The following UBLCP1 variants were observed in gnomAD, a reference collection of about 807,000 sequenced individuals.
The protein encoded by UBLCP1 is ubiquitin like domain containing CTD phosphatase 1, also known as ubiquitin-like domain-containing CTD phosphatase 1.
A neutral mutation model predicts 42.4 loss-of-function variants in UBLCP1; 28 were observed. That is an observed-to-expected ratio of 0.66 (90% CI 0.49 to 0.90). The LOEUF (loss-of-function observed/expected upper bound fraction) is 0.90, where lower values mean the gene tolerates loss of function less well. Ranked by LOEUF, UBLCP1 falls within the 40% of genes least tolerant of loss-of-function variation. The probability of loss-of-function intolerance (pLI) is 0.00; values close to 1 mark genes in which losing one functional copy is unlikely to be tolerated. For missense variants in UBLCP1, 279 were observed against 374.5 expected (o/e 0.75, Z 2.10); for synonymous variants, 122 against 120.8 (o/e 1.01, Z -0.07).
chr5:159,283,136 A>T, intron 9 of UBLCP1, 76 bp from the exon 10 acceptor site: 1 of 1,438,706 alleles, frequency 7.0e-7, no homozygotes, highest in Non-Finnish European at 9.4e-7. Flanking sequence ...ATTAACTCTA[A>T]TTGAAATGAT....
intron 9 of UBLCP1, among the ~76,000 whole-genome samples, chr5:159,279,873 C>G (rs1438046748): frequency 6.6e-6 from 1 of 151,766 alleles, no homozygotes; most frequent in Non-Finnish European, 1.5e-5. Context: ...GGAGGTGATC[C>G]CATGATGGTC....
chr5:159,264,239 A>G (rs1753346318), intron 1 of UBLCP1, among the ~76,000 whole-genome samples: 1 of 152,166 alleles, frequency 6.6e-6, no homozygotes, highest in South Asian at 2.1e-4. Context: ...GGTTGACCAT[A>G]TGGAAGTGTA....
At chr5:159,264,180 C>G (rs1292479276) in intron 1 of UBLCP1, among the ~76,000 whole-genome samples, 1 of 152,166 alleles carries the variant, frequency 6.6e-6, no homozygotes, top group Non-Finnish European at 1.5e-5. Context: ...GCAAAGTCAA[C>G]ACAGTATGTT....
intron 8 of UBLCP1, among the ~76,000 whole-genome samples, chr5:159,277,229 A>T (rs959990595): frequency 6.6e-6 from 1 of 152,106 alleles, no homozygotes; most frequent in African/African-American, 2.4e-5. Context: ...GCAAAAAAAA[A>T]TCAGGAAAGT....
At chr5:159,268,399 A>C (rs1472569130) in intron 1 of UBLCP1, among the ~76,000 whole-genome samples, 2 of 152,234 alleles carry the variant, frequency 1.3e-5, no homozygotes, top group Non-Finnish European at 2.9e-5. Context: ...ACAGATGAGG[A>C]AACCTAGACA....
intron 9 of UBLCP1, 89 bp from the exon 10 acceptor site, chr5:159,283,123 C>T (rs1357327956): frequency 1.5e-6 from 2 of 1,299,718 alleles, no homozygotes; most frequent in African/African-American, 1.5e-5. Context: ...ATATTTTAAC[C>T]TCATTAACTC....
intron 9 of UBLCP1, 79 bp from the exon 10 acceptor site, chr5:159,283,127 TTAACTC>T: frequency 7.3e-7 from 1 of 1,367,422 alleles, no homozygotes; most frequent in South Asian, 1.4e-5. Flanking sequence ...TTTAACCTCA[TTAACTC>T]TAATTGAAAT....
rs1470261352 is a variant in UBLCP1, at chr5:159,283,274, TC to T, written c.865del (p.Gln289SerfsTer6). On this transcript the variant is annotated frameshift_variant, in exon 10 of 11. Coordinates refer to ENST00000296786, the MANE Select transcript of UBLCP1 (RefSeq NM_145049.5). LOFTEE classifies it high-confidence loss of function. ...AAGACAAAGAACTTTTAAAATTAAC[TC>T]AGTACCTCAAGGAGATAGCAAAATT... ...DKDKELLKLT[Q>X]YLKEIAKLDD... 1 of 1,607,274 alleles carries T rather than the reference TC, an allele frequency of 6.2e-7. No individual in the cohort carries two copies. The highest frequency in any genetic ancestry group is 1.3e-5 in the African/African-American group (1 of 74,616).
In UBLCP1 at chr5:159,285,063, T is replaced by G; in HGVS notation, c.*132T>G. On this transcript the variant is annotated 3_prime_UTR_variant, in exon 11 of 11. Coordinates refer to ENST00000296786, the MANE Select transcript of UBLCP1 (RefSeq NM_145049.5). ...CTGCTTATACTTGGTCTTCCAGTTT[T>G]TTGTAAATTTAATTTTATATTTTTT... The G allele has an allele frequency of 3.7e-6, 3 of 801,802 alleles. No homozygotes were observed. The highest frequency in any genetic ancestry group is 5.9e-6 in the Non-Finnish European group (3 of 508,842). The allele number at this position is 801,802 out of a possible 1,614,324, so 49.7% of individuals were successfully genotyped here.
chr5:159,269,189 C>T (rs1753434696), intron 2 of UBLCP1, 120 bp downstream of exon 2: 1 of 707,950 alleles, frequency 1.4e-6, no homozygotes. Flanking sequence ...TAGTAAGTCT[C>T]TCCCTTTCGA....
At chr5:159,272,525 T>C (rs753670639) in intron 6 of UBLCP1, among the ~76,000 whole-genome samples, 23 of 152,156 alleles carry the variant, frequency 1.5e-4, no homozygotes, top group Non-Finnish European at 2.9e-4. Context: ...AAGTGCTGGA[T>C]TACAGGCATA....
At chr5:159,268,469 A>T (rs1753423533) in intron 1 of UBLCP1, among the ~76,000 whole-genome samples, 1 of 152,200 alleles carries the variant, frequency 6.6e-6, no homozygotes, top group Non-Finnish European at 1.5e-5. Context: ...TGGGATCTGA[A>T]CCCAGGTCAT....
At chr5:159,272,448 C>T (rs1753480118) in intron 6 of UBLCP1, among the ~76,000 whole-genome samples, 1 of 150,934 alleles carries the variant, frequency 6.6e-6, no homozygotes, top group Admixed American at 6.6e-5. Flanking sequence ...TCTTTAGGGT[C>T]TCGCTGTGTT....
rs759037028 is a variant in UBLCP1, at chr5:159,270,011, C to T, written c.246+12C>T. 6.3e-7 allele frequency: 1 copy of T among 1,593,078 alleles called. No homozygotes were observed. Among genetic ancestry groups the T allele is most frequent in the Non-Finnish European group, 8.6e-7 (1 of 1,165,930 alleles). ...GTGAGGAGAGCTTGGTAAATGTTTA[C>T]TTTTTGTTACCATTTGTCCATTTGA... On this transcript the variant is annotated intron_variant, in intron 3 of 10. Coordinates refer to ENST00000296786, the MANE Select transcript of UBLCP1 (RefSeq NM_145049.5).
At position 159,278,361 on chromosome 5, in the gene UBLCP1, C is replaced by A. The variant is rs781182001; in HGVS notation, c.801+7C>A. 4 of 1,566,296 alleles carry A rather than the reference C, an allele frequency of 2.6e-6. No individual in the cohort carries two copies. Among genetic ancestry groups the A allele is most frequent in the Non-Finnish European group, 2.6e-6 (3 of 1,136,614 alleles). Reference sequence around the variant, plus strand: ...CCCACAGAATGGACTAAAGGTAAGACATACTTTTACTTGTTATGTGCTCAT... The same window carrying A: ...CCCACAGAATGGACTAAAGGTAAGAAATACTTTTACTTGTTATGTGCTCAT... On this transcript the variant is annotated splice_region_variant and intron_variant, in intron 9 of 10. Transcript: ENST00000296786.
At chr5:159,273,837 CACACACA>C (rs1457602242) in intron 6 of UBLCP1, among the ~76,000 whole-genome samples, 1 of 23,660 alleles carries the variant, frequency 4.2e-5, no homozygotes, top group Non-Finnish European at 1.6e-4. Context: ...TTAAAAATCA[CACACACA>C]CACACACACA....
chr5:159,282,366 G>T (rs984511408), intron 9 of UBLCP1, among the ~76,000 whole-genome samples: 8 of 152,082 alleles, frequency 5.3e-5, no homozygotes, highest in Non-Finnish European at 1.2e-4. Context: ...AATTACTCAT[G>T]ATTTTCCTTT....
chr5:159,279,560 G>T (rs1439360430), intron 9 of UBLCP1, among the ~76,000 whole-genome samples: 1 of 152,116 alleles, frequency 6.6e-6, no homozygotes, highest in African/African-American at 2.4e-5. Context: ...AAACTTAAAA[G>T]TACATTTTTT....
At chr5:159,272,451 G>A (rs1753480256) in intron 6 of UBLCP1, among the ~76,000 whole-genome samples, 2 of 150,660 alleles carry the variant, frequency 1.3e-5, no homozygotes, top group South Asian at 4.2e-4. Flanking sequence ...TTAGGGTCTC[G>A]CTGTGTTGCC....
Sources: allele counts gnomAD v4.1 joint callset (sites outside exome capture counted in the v4.1 genomes callset), GRCh38; gene constraint gnomAD v4.1.1; transcripts MANE v1.5; gene names NCBI Gene and HGNC (gene_info 2026-07-23, HGNC 2026-07-21).